PCDHA4: variants seen among roughly 807,000 people sequenced by gnomAD.
PCDHA4 encodes protocadherin alpha 4.
PCDHA4 carries 49 observed loss-of-function variants against 61.4 expected under a neutral mutation model. That is an observed-to-expected ratio of 0.80 (90% CI 0.63 to 1.01). The LOEUF (loss-of-function observed/expected upper bound fraction) is 1.01. Among genes scored for constraint, PCDHA4 ranks in the 50% least tolerant of loss-of-function variants. PCDHA4 has a pLI of 0.00. For missense variants in PCDHA4, 1,254 were observed against 1,235.8 expected (o/e 1.01, Z -0.22); for synonymous variants, 590 against 550.3 (o/e 1.07, Z -1.01).
At chr5:140,935,665 T>C (rs2090490152) in intron 1 of PCDHA4, among the ~76,000 whole-genome samples, 1 of 152,182 alleles carries the variant, frequency 6.6e-6, no homozygotes, top group Non-Finnish European at 1.5e-5. Context: ...TCTTTTATAA[T>C]TATGTGAAAT....
At chr5:140,809,783 A>T (rs1764542228) in intron 1 of PCDHA4, 2 of 499,904 alleles carry the variant, frequency 4.0e-6, no homozygotes, top group Non-Finnish European at 6.9e-6. Flanking sequence ...AATGCATATT[A>T]ACAGAACTGT....
Position 140,846,956 on chromosome 5 carries a change from G to A in PCDHA4, c.2385+37384G>A, listed in dbSNP as rs144830979. On this transcript the variant is annotated intron_variant, in intron 1 of 3. Transcript: ENST00000530339. ...AGAAATACTTGAAGGGGCATGGTGT[G>A]TTTCAGTGGTTTTAAAATAAGTAAG... 2.7e-5 allele frequency among the ~76,000 whole-genome samples: 4 copies of A among 149,688 alleles called. No individual in the cohort carries two copies. In the East Asian group the frequency reaches 7.8e-4, roughly 29 times the overall value.
intron 1 of PCDHA4, among the ~76,000 whole-genome samples, chr5:140,912,310 A>G (rs936183695): frequency 4.0e-5 from 6 of 151,764 alleles, no homozygotes; most frequent in African/African-American, 1.2e-4. Context: ...AATCCAGTCA[A>G]GTTGACCCTC....
intron 1 of PCDHA4, among the ~76,000 whole-genome samples, chr5:140,972,738 A>G (rs918730708): frequency 1.4e-5 from 2 of 142,600 alleles, no homozygotes; most frequent in Non-Finnish European, 3.0e-5. Context: ...ATCCCGGCTC[A>G]CTGCAACCTC....
intron 1 of PCDHA4, chr5:140,881,407 A>G (rs2058705270): frequency 1.0e-6 from 1 of 956,680 alleles, no homozygotes; most frequent in South Asian, 4.8e-5. Flanking sequence ...TATTAAATCA[A>G]TAGGATATTA....
intron 3 of PCDHA4, among the ~76,000 whole-genome samples, chr5:141,002,946 G>A (rs2098104148): frequency 6.6e-6 from 1 of 152,180 alleles, no homozygotes; most frequent in African/African-American, 2.4e-5. Flanking sequence ...TCCAGCACAT[G>A]CCCCTCTGAG....
At chr5:140,835,589 G>T (rs2150238885) in intron 1 of PCDHA4, 2 of 1,613,920 alleles carry the variant, frequency 1.2e-6, no homozygotes, top group South Asian at 1.1e-5. Flanking sequence ...CCACCTTCAA[G>T]AATTACTATT....
chr5:140,835,537 T>TTGCTCCCTG lies in PCDHA4; in HGVS notation c.2385+25966_2385+25967insGCTCCCTGT. On this transcript the variant is annotated intron_variant, in intron 1 of 3. Transcript: ENST00000530339. ...CGAGATTTTGGAGTCAACGGACAGG[T>TTGCTCCCTG]TACCTGCTCCCTGACGCCCCGCGTT... The TTGCTCCCTG allele has an allele frequency of 1.9e-6, 3 of 1,613,926 alleles. No individual in the cohort carries two copies. In the East Asian group the frequency reaches 6.7e-5, roughly 36 times the overall value.
intron 1 of PCDHA4, chr5:140,843,169 C>A: frequency 6.3e-7 from 1 of 1,596,092 alleles, no homozygotes; most frequent in South Asian, 1.1e-5. Context: ...CAGCTGCAAG[C>A]AGCCCTCGCA....
At chr5:140,962,318 A>G (rs2095672102) in intron 1 of PCDHA4, among the ~76,000 whole-genome samples, 1 of 152,338 alleles carries the variant, frequency 6.6e-6, no homozygotes, top group South Asian at 2.1e-4. Context: ...GGCCATCTCA[A>G]TTGAGAATAC....
At chr5:140,996,036 C>T (rs1324761666) in intron 3 of PCDHA4, among the ~76,000 whole-genome samples, 1 of 152,190 alleles carries the variant, frequency 6.6e-6, no homozygotes, top group Non-Finnish European at 1.5e-5. Context: ...GCTCCTAGCA[C>T]TTAACACAGT....
rs1255699815 is a variant in PCDHA4, at chr5:140,984,173, C to T, written c.2533+1610C>T. On this transcript the variant is annotated intron_variant, in intron 3 of 3. Transcript: ENST00000530339. The stretch of plus-strand genomic sequence containing the variant: ...AGGTGAGAACTTCCCAAAGAAGCCA[C>T]GTGAAATCATGACTTTCTACCTTGC... Among the ~76,000 whole-genome samples, 5 of 152,166 alleles carry T rather than the reference C, an allele frequency of 3.3e-5. No individual in the cohort carries two copies. The South Asian group carries it at 6.2e-4, about 19-fold the overall frequency.
At chr5:140,870,686 A>G (rs2052295402) in intron 1 of PCDHA4, 2 of 1,612,732 alleles carry the variant, frequency 1.2e-6, no homozygotes, top group African/African-American at 2.7e-5. Flanking sequence ...GAGGAGCTGG[A>G]GCTGCTACAG....
Position 140,843,849 on chromosome 5 carries a change from T to G in PCDHA4, c.2385+34277T>G. 2 of 972,226 alleles carry G rather than the reference T, an allele frequency of 2.1e-6. 1 individual carries two copies. Among genetic ancestry groups the G allele is most frequent in the South Asian group, 3.4e-5 (2 of 58,960 alleles). 60.2% of individuals were successfully genotyped at this position (972,226 alleles called of 1,614,324 possible). ...ACATTGTTTAGTTTTTAGAAACCTTTTATAATTAATTGAATTTTCTCAGTG... is the reference window on the plus strand; with the variant it reads ...ACATTGTTTAGTTTTTAGAAACCTTGTATAATTAATTGAATTTTCTCAGTG... On this transcript the variant is annotated intron_variant, in intron 1 of 3. Transcript: ENST00000530339.
chr5:140,882,420 A>C, intron 1 of PCDHA4: 1 of 1,614,046 alleles, frequency 6.2e-7, no homozygotes, highest in East Asian at 2.2e-5. Context: ...ATCGCTCAGG[A>C]CCTGGGGCTG....
intron 1 of PCDHA4, among the ~76,000 whole-genome samples, chr5:140,938,620 C>G (rs571731816): frequency 1.3e-5 from 2 of 152,172 alleles, no homozygotes; most frequent in African/African-American, 4.8e-5. Context: ...GGAATAAACT[C>G]AGGTTGCTTA....
intron 1 of PCDHA4, chr5:140,843,553 G>T: frequency 6.3e-7 from 1 of 1,595,928 alleles, no homozygotes; most frequent in African/African-American, 1.3e-5. Context: ...GCTCCAGTGC[G>T]GTGGGGAGCT....
rs1158226302 is a variant in PCDHA4, at chr5:140,856,812, T to C, written c.2385+47240T>C. 1.9e-6 allele frequency: 3 copies of C among 1,594,276 alleles called. 1 individual carries two copies. Among genetic ancestry groups the C allele is most frequent in the Non-Finnish European group, 2.6e-6 (3 of 1,164,510 alleles). ...GAAGTTAAGATGTATGAAAATCAAG[T>C]GAACCAAACATTAGTAATACGGCTC... On this transcript the variant is annotated intron_variant, in intron 1 of 3. Coordinates refer to ENST00000530339, the MANE Select transcript of PCDHA4 (RefSeq NM_018907.4).
chr5:140,853,936 A>G, intron 1 of PCDHA4: 1 of 845,796 alleles, frequency 1.2e-6, no homozygotes, highest in Non-Finnish European at 1.5e-6. Context: ...TGGGAGGCCA[A>G]GGTGGGAGGG....
Sources: allele counts gnomAD v4.1 joint callset (sites outside exome capture counted in the v4.1 genomes callset), GRCh38; gene constraint gnomAD v4.1.1; transcripts MANE v1.5; gene names NCBI Gene and HGNC (gene_info 2026-07-23, HGNC 2026-07-21).